CSDE1: variants seen among roughly 807,000 people sequenced by gnomAD.
CSDE1 encodes cold shock domain-containing protein E1.
Under a neutral mutation model 89.3 loss-of-function variants are expected in CSDE1, and 17 were observed. The observed-to-expected ratio is 0.19, with a 90% CI of 0.13 to 0.29. CSDE1 has a LOEUF of 0.29. Ranked by LOEUF, CSDE1 falls within the 10% of genes least tolerant of loss-of-function variation. The pLI is 1.00. For missense variants in CSDE1, 672 were observed against 984.2 expected (o/e 0.68, Z 4.24); for synonymous variants, 322 against 332.8 (o/e 0.97, Z 0.35).
intron 18 of CSDE1, chr1:114,719,033 C>G (rs1157993403): frequency 2.9e-6 from 1 of 340,088 alleles, no homozygotes; most frequent in Non-Finnish European, 5.4e-6. Flanking sequence ...AACAAGGTAG[C>G]AGATGTGGTA....
intron 10 of CSDE1, among the ~76,000 whole-genome samples, chr1:114,731,538 C>T (rs1660099448): frequency 1.3e-5 from 2 of 152,068 alleles, no homozygotes; most frequent in South Asian, 4.1e-4. Flanking sequence ...GTTCCACTGG[C>T]AACACTGAGT....
At chr1:114,742,681 T>A (rs905201357) in intron 2 of CSDE1, among the ~76,000 whole-genome samples, 1 of 152,196 alleles carries the variant, frequency 6.6e-6, no homozygotes, top group East Asian at 1.9e-4. Flanking sequence ...GCAAGGGAAC[T>A]GACATTTCTA....
chr1:114,720,743 A>T, intron 16 of CSDE1, 26 bp from the exon 17 acceptor site: 1 of 1,610,072 alleles, frequency 6.2e-7, no homozygotes, highest in South Asian at 1.1e-5. Context: ...AAAGTCTAAA[A>T]GCTAGTATTT....
rs765823183 is a variant in CSDE1 at position 114,734,100 on chromosome 1, A to G, written c.600T>C (p.Ile200=). The G allele has an allele frequency of 2.0e-5, 32 of 1,611,018 alleles. No homozygotes were observed. The highest frequency in any genetic ancestry group is 1.3e-4 in the Admixed American group (8 of 59,638). Residue 200 remains isoleucine, a synonymous_variant, in exon 8 of 20, where the codon ATT becomes ATC. Transcript: ENST00000358528. Reference sequence around the variant, plus strand: ...TCTCTTTTACAACATCACCTCTTTCAATAAAGCCAAATGCCTCCTGAAGCA... The same window carrying G: ...TCTCTTTTACAACATCACCTCTTTCGATAAAGCCAAATGCCTCCTGAAGCA... ...VCAMKEAFGF[I]ERGDVVKEIF...
intron 2 of CSDE1, chr1:114,741,718 T>G (rs1660737608): frequency 7.3e-7 from 1 of 1,376,496 alleles, no homozygotes. Context: ...TCAATAACAA[T>G]TTAATGCACA....
At chr1:114,723,855 C>T (rs1570896924) in intron 16 of CSDE1, 28 bp downstream of exon 16, 4 of 1,613,234 alleles carry the variant, frequency 2.5e-6, no homozygotes, top group Non-Finnish European at 3.4e-6. Flanking sequence ...TGGCAAATTT[C>T]AAACAGCCTG....
chr1:114,744,545 G>A (rs1300869688), intron 2 of CSDE1, among the ~76,000 whole-genome samples: 1 of 152,080 alleles, frequency 6.6e-6, no homozygotes, highest in African/African-American at 2.4e-5. Context: ...TCCAGCCTGG[G>A]TGACAGAGTG....
rs1261191853 is a variant in CSDE1 at position 114,719,352 on chromosome 1, T to C, written c.2216+227A>G. 3.7e-4 allele frequency among the ~76,000 whole-genome samples: 56 copies of C among 152,196 alleles called. 1 individual carries two copies. The highest frequency in any genetic ancestry group is 3.7e-3 in the Admixed American group (56 of 15,276). On this transcript the variant is annotated intron_variant, in intron 18 of 19. Transcript: ENST00000358528. ...CAGCATGGCTAAACTATTAGAATTT[T>C]AAGTAGCATATAACCTAGAAATGAC...
intron 9 of CSDE1, among the ~76,000 whole-genome samples, chr1:114,733,088 C>T (rs1660192532): frequency 6.6e-6 from 1 of 152,154 alleles, no homozygotes; most frequent in East Asian, 1.9e-4. Flanking sequence ...CCACTTGTGT[C>T]CTCACCTTCC....
chr1:114,726,098 A>G, intron 14 of CSDE1, 113 bp downstream of exon 14: 1 of 1,061,348 alleles, frequency 9.4e-7, no homozygotes, highest in Non-Finnish European at 1.3e-6. Flanking sequence ...AATTCTACCA[A>G]TATGAAATCT....
intron 5 of CSDE1, among the ~76,000 whole-genome samples, chr1:114,737,067 A>G (rs2101049883): frequency 6.6e-6 from 1 of 152,310 alleles, no homozygotes; most frequent in Non-Finnish European, 1.5e-5. Flanking sequence ...GCAGCAATCC[A>G]ACTTCAAAAA....
intron 18 of CSDE1, 81 bp downstream of exon 18, chr1:114,719,496 GAA>G: frequency 7.4e-7 from 1 of 1,359,158 alleles, no homozygotes; most frequent in South Asian, 1.5e-5. Context: ...ACAAGGCACA[GAA>G]AAGTGATGTG....
chr1:114,718,955 A>G (rs937914169), intron 18 of CSDE1: 2 of 570,082 alleles, frequency 3.5e-6, no homozygotes, highest in African/African-American at 3.8e-5. Context: ...ATAGGAATGG[A>G]AGGAATCATT....
rs956698725 is a variant in CSDE1, at chr1:114,757,940, C to G, written c.-403G>C. 1 of 152,896 alleles carries G rather than the reference C, an allele frequency of 6.5e-6. No individual in the cohort carries two copies. Among genetic ancestry groups the G allele is most frequent in the African/African-American group, 2.4e-5 (1 of 41,452 alleles). The allele number at this position is 152,896 out of a possible 1,614,324, so 9.5% of individuals were successfully genotyped here. ...TCGTACTCACCCCAACAGCTCAGCGCCCCCTCTCCAGCGCCGCCATAAGCA... is the reference window on the plus strand; with the variant it reads ...TCGTACTCACCCCAACAGCTCAGCGGCCCCTCTCCAGCGCCGCCATAAGCA... On this transcript the variant is annotated 5_prime_UTR_variant, in exon 1 of 20. Coordinates refer to ENST00000358528, the MANE Select transcript of CSDE1 (RefSeq NM_001007553.3).
At chr1:114,724,844 T>A (rs1570899073) in intron 15 of CSDE1, among the ~76,000 whole-genome samples, 1 of 152,094 alleles carries the variant, frequency 6.6e-6, no homozygotes, top group South Asian at 2.1e-4. Context: ...CACCTCAGCC[T>A]CCCAAGTAAC....
rs1438696969 is a variant in CSDE1, at chr1:114,718,744, C to G, written c.2218G>C (p.Glu740Gln). ...GGAGCTGCAACAGCCTTGGGGCCCTCACTGTAATTAAGTCAAAAGATGAGA... is the reference window on the plus strand; with the variant it reads ...GGAGCTGCAACAGCCTTGGGGCCCTGACTGTAATTAAGTCAAAAGATGAGA... ...CSACNVWRVC[E>Q]GPKAVAAPRP... The change falls in exon 19 of 20, where the codon GAG becomes CAG. Residue 740 changes from glutamate (E) to glutamine (Q), a missense_variant and splice_region_variant. This residue lies in a region of CSDE1 where 206 missense variants were observed against 332.4 expected (regional missense o/e 0.62). Transcript: ENST00000358528. The G allele has an allele frequency of 2.5e-6, 4 of 1,613,688 alleles. No individual in the cohort carries two copies. Among genetic ancestry groups the G allele is most frequent in the Non-Finnish European group, 3.4e-6 (4 of 1,179,900 alleles).
chr1:114,747,313 A>G (rs1330331366), intron 2 of CSDE1, among the ~76,000 whole-genome samples: 1 of 152,164 alleles, frequency 6.6e-6, no homozygotes, highest in Admixed American at 6.5e-5. Flanking sequence ...CTGTTTTCTT[A>G]GCTGTGTGCC....
intron 2 of CSDE1, chr1:114,746,432 C>T (rs1016606070): frequency 5.3e-5 from 8 of 152,014 alleles, no homozygotes; most frequent in African/African-American, 1.9e-4. Flanking sequence ...AAAACTATAA[C>T]CTAATGCTTT....
Position 114,719,887 on chromosome 1 carries a change from C to T in CSDE1, c.2053-145G>A, listed in dbSNP as rs564092877. On this transcript the variant is annotated intron_variant, in intron 17 of 19. Transcript: ENST00000358528. Reference sequence around the variant, plus strand: ...TCCAGCTGCCTGTGGCAAAACCTGTCAGGGAAGAAATGTATCTCTGAAAGT... The same window carrying T: ...TCCAGCTGCCTGTGGCAAAACCTGTTAGGGAAGAAATGTATCTCTGAAAGT... The T allele has an allele frequency of 1.2e-5, 9 of 724,028 alleles. No individual in the cohort carries two copies. In the South Asian group the frequency reaches 1.4e-4, roughly 11 times the overall value. The allele number at this position is 724,028 out of a possible 1,614,324, so 44.9% of individuals were successfully genotyped here. A position where few individuals can be genotyped will look rare whatever the true frequency, so the allele number is the denominator to read the frequency against.
Sources: gnomAD v4.1 joint callset for allele counts (sites outside exome capture counted in the v4.1 genomes callset) on GRCh38, gnomAD v4.1.1 for gene constraint, gnomAD v4.1.1 regional missense constraint, MANE v1.5 for transcripts, NCBI Gene and HGNC (gene_info 2026-07-23, HGNC 2026-07-21) for gene names.